The following LIMK2 variants were observed in gnomAD, a reference collection of about 807,000 sequenced individuals.
LIMK2 encodes the protein LIM domain kinase 2.
A neutral mutation model predicts 75.7 loss-of-function variants in LIMK2; 35 were observed. The ratio of observed to expected loss-of-function variants is 0.46; its 90% CI spans 0.35 to 0.61. The LOEUF (loss-of-function observed/expected upper bound fraction) is 0.61, where lower values mean the gene tolerates loss of function less well. Among genes scored for constraint, LIMK2 ranks in the 20% least tolerant of loss-of-function variants. The pLI is 0.00. For missense variants in LIMK2, 623 were observed against 831.0 expected, an observed-to-expected ratio of 0.75 and a Z score of 3.08; for synonymous variants, 301 against 319.2, an observed-to-expected ratio of 0.94 and a Z score of 0.61.
chr22:31,273,526 G>C lies in LIMK2; in HGVS notation c.1614+19G>C, dbSNP rs1404499608. 1 of 1,611,144 alleles carries C rather than the reference G, an allele frequency of 6.2e-7. No homozygotes were observed. The highest frequency in any genetic ancestry group is 1.7e-5 in the Admixed American group (1 of 60,004). On this transcript the variant is annotated intron_variant, in intron 14 of 15. Transcript: ENST00000331728. Reference sequence around the variant, plus strand: ...CTGTGAGGTGAGCTCTGGCACCAAGGCCATGCCCGAGGCAGCAGGCCTAGC... The same window carrying C: ...CTGTGAGGTGAGCTCTGGCACCAAGCCCATGCCCGAGGCAGCAGGCCTAGC...
rs187649083 is a variant in LIMK2, at chr22:31,266,095, A to T, written c.1004A>T (p.Glu335Val). Residue 335 changes from glutamate to valine, a missense_variant, in exon 8 of 16, where the codon GAG becomes GTG. Transcript: ENST00000331728. ...CGGCCCTGTGACCTAATCCATGGGGAGGTCCTGGGGAAGGGCTTCTTTGGG... is the reference window on the plus strand; with the variant it reads ...CGGCCCTGTGACCTAATCCATGGGGTGGTCCTGGGGAAGGGCTTCTTTGGG... Reference protein sequence around the residue: ...IFRPCDLIHGEVLGKGFFGQA... With the variant: ...IFRPCDLIHGVVLGKGFFGQA... 8.7e-6 allele frequency: 14 copies of T among 1,614,110 alleles called. No homozygotes were observed. In the African/African-American group the frequency reaches 1.7e-4, roughly 20 times the overall value.
chr22:31,240,809 G>A (rs1013265513), intron 2 of LIMK2, among the ~76,000 whole-genome samples: 3 of 152,128 alleles, frequency 2.0e-5, no homozygotes, highest in Non-Finnish European at 4.4e-5. Context: ...TTACAAATGG[G>A]TAAGAGTGGC....
Position 31,212,398 on chromosome 22 carries a change from C to G in LIMK2, c.-11C>G, listed in dbSNP as rs1353618862. On this transcript the variant is annotated 5_prime_UTR_variant, in exon 1 of 16. Transcript: ENST00000331728. ...CCGCCTCCTCCTCCCCATTTCCGCGCTCCCGGGACCATGTCCGCGCTGGCG... is the reference window on the plus strand; with the variant it reads ...CCGCCTCCTCCTCCCCATTTCCGCGGTCCCGGGACCATGTCCGCGCTGGCG... 7.5e-7 allele frequency: 1 copy of G among 1,338,568 alleles called. No homozygotes were observed. Among genetic ancestry groups the G allele is most frequent in the Non-Finnish European group, 9.7e-7 (1 of 1,034,244 alleles). 82.9% of individuals were successfully genotyped at this position (1,338,568 alleles called of 1,614,324 possible). A position where few individuals can be genotyped will look rare whatever the true frequency, so the allele number is the denominator to read the frequency against.
chr22:31,243,807 G>A (rs1415912207), intron 2 of LIMK2, among the ~76,000 whole-genome samples: 1 of 152,216 alleles, frequency 6.6e-6, no homozygotes, highest in African/African-American at 2.4e-5. Flanking sequence ...GTGGGAGGGT[G>A]AAATATATCC....
intron 1 of LIMK2, 66 bp from the exon 2 acceptor site, chr22:31,225,654 G>T: frequency 8.6e-7 from 1 of 1,163,812 alleles, no homozygotes; most frequent in East Asian, 2.5e-5. Context: ...TATTCTACAT[G>T]GTAGGAATCC....
At chr22:31,218,044 C>A (rs1467630866) in intron 1 of LIMK2, among the ~76,000 whole-genome samples, 2 of 152,138 alleles carry the variant, frequency 1.3e-5, no homozygotes, top group Non-Finnish European at 2.9e-5. Flanking sequence ...TTCAGCTTAA[C>A]CTTTTCCCCA....
chr22:31,245,425 T>A (rs1042897532), intron 2 of LIMK2, among the ~76,000 whole-genome samples: 3 of 152,074 alleles, frequency 2.0e-5, no homozygotes, highest in Non-Finnish European at 2.9e-5. Flanking sequence ...TCTCAGCCTC[T>A]CGAGTAGCTG....
intron 12 of LIMK2, among the ~76,000 whole-genome samples, chr22:31,272,173 G>C (rs1364494825): frequency 1.3e-5 from 2 of 151,776 alleles, no homozygotes; most frequent in Non-Finnish European, 2.9e-5. Flanking sequence ...TGATTCTTCT[G>C]CTTCAGCCTC....
intron 7 of LIMK2, 95 bp from the exon 8 acceptor site, chr22:31,265,851 G>A: frequency 1.1e-6 from 1 of 920,492 alleles, no homozygotes; most frequent in Non-Finnish European, 1.7e-6. Context: ...ATAGACATTG[G>A]AATGAACAGG....
At chr22:31,219,455 A>G (rs560628590) in intron 1 of LIMK2, among the ~76,000 whole-genome samples, 25 of 152,368 alleles carry the variant, frequency 1.6e-4, no homozygotes, top group African/African-American at 6.0e-4. Flanking sequence ...AAATTCCAAT[A>G]ATAACTGAAA....
At position 31,278,370 on chromosome 22, in the gene LIMK2, C is replaced by T. The variant is rs952666415; in HGVS notation, c.1846C>T (p.Pro616Ser). 11 of 1,613,966 alleles carry T rather than the reference C, an allele frequency of 6.8e-6. No homozygotes were observed. Among genetic ancestry groups the T allele is most frequent in the Non-Finnish European group, 9.3e-6 (11 of 1,179,900 alleles). The change falls in exon 16 of 16, where the codon CCT becomes TCT. Residue 616 changes from proline (P) to serine (S), a missense_variant. This residue lies in a region of LIMK2 where 46 missense variants were observed against 46.9 expected (regional missense o/e 0.98). Transcript: ENST00000331728. ...LYLGELGIPL[P>S]AELEELDHTV... The stretch of plus-strand genomic sequence containing the variant: ...CCTGGGGGAGCTGGGCATCCCGCTG[C>T]CTGCAGAGCTGGAGGAGTTGGACCA...
At chr22:31,267,719 G>A (rs373302570) in intron 9 of LIMK2, 57 bp from the exon 10 acceptor site, 1 of 1,545,188 alleles carries the variant, frequency 6.5e-7, no homozygotes, top group South Asian at 1.3e-5. Flanking sequence ...GAGGGAAGAG[G>A]TAAGGAAGAC....
chr22:31,245,522 G>A (rs1204940365), intron 2 of LIMK2, among the ~76,000 whole-genome samples: 1 of 152,030 alleles, frequency 6.6e-6, no homozygotes, highest in Non-Finnish European at 1.5e-5. Context: ...GGCTAGTCTC[G>A]AACTTCCAAC....
intron 1 of LIMK2, among the ~76,000 whole-genome samples, chr22:31,216,328 G>A (rs898397905): frequency 1.3e-5 from 2 of 152,140 alleles, no homozygotes; most frequent in African/African-American, 4.8e-5. Flanking sequence ...ATAAAGGGTA[G>A]CAAATACGTG....
intron 2 of LIMK2, among the ~76,000 whole-genome samples, chr22:31,241,352 G>A (rs2048622314): frequency 6.6e-6 from 1 of 152,216 alleles, no homozygotes; most frequent in South Asian, 2.1e-4. Context: ...ACCTTAAACA[G>A]CAACCTTCTC....
intron 7 of LIMK2, among the ~76,000 whole-genome samples, chr22:31,264,825 G>A (rs1048162631): frequency 1.2e-4 from 19 of 152,146 alleles, no homozygotes; most frequent in African/African-American, 4.3e-4. Flanking sequence ...TTGGGAGGCC[G>A]AGGTGGGCGA....
At chr22:31,268,047 A>C in intron 10 of LIMK2, 97 bp from the exon 11 acceptor site, 1 of 1,511,840 alleles carries the variant, frequency 6.6e-7, no homozygotes, top group Non-Finnish European at 9.2e-7. Context: ...GAGCATACAC[A>C]GGGAGGCTTC....
Position 31,278,459 on chromosome 22 carries a change from G to A in LIMK2, c.*18G>A, listed in dbSNP as rs776333368. 2 of 1,587,158 alleles carry A rather than the reference G, an allele frequency of 1.3e-6. No homozygotes were observed. Among genetic ancestry groups the A allele is most frequent in the Middle Eastern group, 1.7e-4 (1 of 5,938 alleles). ...CTCCCTAGCCCTGGCCCAGCCCCCT[G>A]CAGGGGGGTGTTCTACAGCCAGCAT... On this transcript the variant is annotated 3_prime_UTR_variant, in exon 16 of 16. Transcript: ENST00000331728.
At position 31,278,366 on chromosome 22, in the gene LIMK2, G is replaced by A. The variant is rs780796637; in HGVS notation, c.1842G>A (p.Pro614=). 5.6e-5 allele frequency: 91 copies of A among 1,613,646 alleles called. No individual in the cohort carries two copies. The highest frequency in any genetic ancestry group is 1.6e-4 in the Middle Eastern group (1 of 6,082). The part of the protein sequence containing the change: ...LSLYLGELGI[P]LPAELEELDH... Reference sequence around the variant, plus strand: ...TGTACCTGGGGGAGCTGGGCATCCCGCTGCCTGCAGAGCTGGAGGAGTTGG... The same window carrying A: ...TGTACCTGGGGGAGCTGGGCATCCCACTGCCTGCAGAGCTGGAGGAGTTGG... The change falls in exon 16 of 16, where the codon CCG becomes CCA. Residue 614 remains proline, a synonymous_variant. Transcript: ENST00000331728.
Sources: gnomAD v4.1 joint callset for allele counts (sites outside exome capture counted in the v4.1 genomes callset) on GRCh38, gnomAD v4.1.1 for gene constraint, gnomAD v4.1.1 regional missense constraint, MANE v1.5 for transcripts, NCBI Gene and HGNC (gene_info 2026-07-23, HGNC 2026-07-21) for gene names.